The following SNX24 variants were observed in gnomAD, a reference collection of about 807,000 sequenced individuals.
SNX24 encodes sorting nexin-24.
A neutral mutation model predicts 28.7 loss-of-function variants in SNX24; 22 were observed. That is an observed-to-expected ratio of 0.77 (90% CI 0.55 to 1.10). The LOEUF (loss-of-function observed/expected upper bound fraction) is 1.10, where lower values mean the gene tolerates loss of function less well. Ranked by LOEUF, SNX24 falls within the 50% of genes least tolerant of loss-of-function variation. The pLI is 0.00. For missense variants in SNX24, 221 were observed against 201.1 expected (o/e 1.10, Z -0.60); for synonymous variants, 69 against 71.5 (o/e 0.96, Z 0.18).
intron 1 of SNX24, among the ~76,000 whole-genome samples, chr5:122,850,505 C>G (rs1754861803): frequency 6.6e-6 from 1 of 152,030 alleles, no homozygotes; most frequent in South Asian, 2.1e-4. Flanking sequence ...TAAAAATGAT[C>G]AGAAAGGAGA....
At chr5:122,885,901 G>C (rs1756686699) in intron 1 of SNX24, among the ~76,000 whole-genome samples, 1 of 152,138 alleles carries the variant, frequency 6.6e-6, no homozygotes, top group Non-Finnish European at 1.5e-5. Context: ...TTCTCATAAG[G>C]AGTGTGCACC....
intron 1 of SNX24, among the ~76,000 whole-genome samples, chr5:122,905,384 T>A (rs1757605943): frequency 6.6e-6 from 1 of 152,190 alleles, no homozygotes; most frequent in South Asian, 2.1e-4. Flanking sequence ...ACTGTATTGA[T>A]CACAGGTGGC....
At chr5:122,940,725 C>A (rs374342863) in intron 2 of SNX24, among the ~76,000 whole-genome samples, 9 of 152,180 alleles carry the variant, frequency 5.9e-5, no homozygotes, top group Non-Finnish European at 1.2e-4. Context: ...GCATGTACCA[C>A]CATGCTCAGC....
chr5:122,845,707 G>A lies in SNX24; in HGVS notation c.60+14G>A. On this transcript the variant is annotated intron_variant, in intron 1 of 6. Coordinates refer to ENST00000261369, the MANE Select transcript of SNX24 (RefSeq NM_014035.4). Reference sequence around the variant, plus strand: ...CGGGGATACACGGTAGGCGCGGGCCGCGGGCGGACAGGGCCCCGCGAGCCA... The same window carrying A: ...CGGGGATACACGGTAGGCGCGGGCCACGGGCGGACAGGGCCCCGCGAGCCA... 1 of 1,368,826 alleles carries A rather than the reference G, an allele frequency of 7.3e-7. No individual in the cohort carries two copies. Among genetic ancestry groups the A allele is most frequent in the South Asian group, 2.0e-5 (1 of 50,554 alleles). 84.8% of individuals were successfully genotyped at this position (1,368,826 alleles called of 1,614,324 possible). A position where few individuals can be genotyped will look rare whatever the true frequency, so the allele number is the denominator to read the frequency against.
At chr5:122,987,578 A>T (rs1382784204) in intron 3 of SNX24, among the ~76,000 whole-genome samples, 1 of 152,218 alleles carries the variant, frequency 6.6e-6, no homozygotes, top group Non-Finnish European at 1.5e-5. Context: ...TTCAGCCAGA[A>T]CTGAGCTGTC....
At chr5:122,906,937 G>C (rs1462622457) in intron 1 of SNX24, among the ~76,000 whole-genome samples, 2 of 152,194 alleles carry the variant, frequency 1.3e-5, no homozygotes, top group East Asian at 3.8e-4. Context: ...TGCTCATGCA[G>C]CTTACTCTGC....
At chr5:122,871,592 A>C (rs1755982912) in intron 1 of SNX24, among the ~76,000 whole-genome samples, 1 of 151,758 alleles carries the variant, frequency 6.6e-6, no homozygotes, top group Non-Finnish European at 1.5e-5. Context: ...ACATGGTGAA[A>C]CCCCCGTCTC....
At chr5:122,891,539 T>G (rs1756969724) in intron 1 of SNX24, among the ~76,000 whole-genome samples, 1 of 152,180 alleles carries the variant, frequency 6.6e-6, no homozygotes, top group African/African-American at 2.4e-5. Flanking sequence ...TTGCAATTTT[T>G]TATAAGTATT....
intron 1 of SNX24, among the ~76,000 whole-genome samples, chr5:122,927,366 T>C (rs1320381392): frequency 6.9e-6 from 1 of 145,532 alleles, no homozygotes; most frequent in Non-Finnish European, 1.5e-5. Context: ...AATTTGTGCA[T>C]ATTTGGGACT....
chr5:122,853,158 G>A (rs1581668059), intron 1 of SNX24, among the ~76,000 whole-genome samples: 2 of 103,364 alleles, frequency 1.9e-5, no homozygotes, highest in African/African-American at 3.8e-5. Context: ...CGGATTCTTC[G>A]CTCTGTTGCC....
chr5:123,020,904 A>G (rs1223924457), intron 5 of SNX24, among the ~76,000 whole-genome samples: 1 of 152,172 alleles, frequency 6.6e-6, no homozygotes, highest in Non-Finnish European at 1.5e-5. Context: ...GCTCATTCAC[A>G]TGACTGAGGT....
chr5:122,852,673 A>G (rs1369881383), intron 1 of SNX24, among the ~76,000 whole-genome samples: 1 of 152,150 alleles, frequency 6.6e-6, no homozygotes, highest in Non-Finnish European at 1.5e-5. Flanking sequence ...TTTTCTCCCT[A>G]GAACCCCTGA....
intron 1 of SNX24, among the ~76,000 whole-genome samples, chr5:122,911,950 C>T (rs1431984388): frequency 1.3e-4 from 19 of 146,716 alleles, no homozygotes; most frequent in South Asian, 2.3e-4. Context: ...CTTGGCGATG[C>T]GGGCTCTTTT....
In SNX24 at chr5:122,945,622, A is replaced by T. The variant is rs1257305038; in HGVS notation, c.145-433A>T. Among the ~76,000 whole-genome samples, 3 of 152,320 alleles carry T rather than the reference A, an allele frequency of 2.0e-5. No homozygotes were observed. In the East Asian group the frequency reaches 5.8e-4, roughly 29 times the overall value. ...AGTTAATGGCATTTCTAGGGACAAT[A>T]CTTATATACAGTTGCATTTTGTTTT... On this transcript the variant is annotated intron_variant, in intron 2 of 6. Coordinates refer to ENST00000261369, the MANE Select transcript of SNX24 (RefSeq NM_014035.4).
chr5:122,975,572 C>G (rs1258960447), intron 3 of SNX24, among the ~76,000 whole-genome samples: 1 of 152,018 alleles, frequency 6.6e-6, no homozygotes, highest in Non-Finnish European at 1.5e-5. Flanking sequence ...ACCACAAATT[C>G]AAATCCTAAG....
Position 123,009,177 on chromosome 5 carries a change from T to A in SNX24, c.*1428T>A. 1.0e-6 allele frequency: 1 copy of A among 983,942 alleles called. No individual in the cohort carries two copies. Among genetic ancestry groups the A allele is most frequent in the South Asian group, 4.7e-5 (1 of 21,266 alleles). 61.0% of individuals were successfully genotyped at this position (983,942 alleles called of 1,614,324 possible). A position where few individuals can be genotyped will look rare whatever the true frequency, so the allele number is the denominator to read the frequency against. On this transcript the variant is annotated 3_prime_UTR_variant, in exon 7 of 7. Coordinates refer to ENST00000261369, the MANE Select transcript of SNX24 (RefSeq NM_014035.4). Reference sequence around the variant, plus strand: ...AAATGTTTTTATGTTATTAGCTATTTGGAGTTAAATAAAAACAGAACAAGG... The same window carrying A: ...AAATGTTTTTATGTTATTAGCTATTAGGAGTTAAATAAAAACAGAACAAGG...
chr5:122,887,797 G>C (rs1249209710), intron 1 of SNX24, among the ~76,000 whole-genome samples: 1 of 152,156 alleles, frequency 6.6e-6, no homozygotes, highest in African/African-American at 2.4e-5. Flanking sequence ...CTGCCTCCCG[G>C]ATTCAAGTGA....
At chr5:123,010,763 A>G (rs540533945), downstream of SNX24, among the ~76,000 whole-genome samples, 11 of 152,314 alleles carry the variant, frequency 7.2e-5, no homozygotes, top group African/African-American at 2.4e-4. Context: ...TTTCATCTAC[A>G]TACAAGCAGA....
At chr5:123,028,982 T>C in intron 5 of SNX24, 1 of 988,326 alleles carries the variant, frequency 1.0e-6, no homozygotes, top group Non-Finnish European at 1.5e-6. Context: ...CCTACAGAAC[T>C]TGATTCTATC....
Sources: allele counts gnomAD v4.1 joint callset (sites outside exome capture counted in the v4.1 genomes callset), GRCh38; gene constraint gnomAD v4.1.1; transcripts MANE v1.5; gene names NCBI Gene and HGNC (gene_info 2026-07-23, HGNC 2026-07-21).